The following MMP16 variants were observed in gnomAD, a reference collection of about 807,000 sequenced individuals.
MMP16 encodes the protein matrix metalloproteinase-16.
MMP16 carries 12 observed loss-of-function variants against 67.8 expected under a neutral mutation model. The observed-to-expected ratio is 0.18, with a 90% CI of 0.11 to 0.29. The LOEUF is 0.29. Among genes scored for constraint, MMP16 ranks in the 10% least tolerant of loss-of-function variants. The probability of loss-of-function intolerance (pLI) is 1.00; values close to 1 mark genes in which losing one functional copy is unlikely to be tolerated. For missense variants in MMP16, 475 were observed against 765.7 expected, an observed-to-expected ratio of 0.62 and a Z score of 4.48; for synonymous variants, 249 against 255.9, an observed-to-expected ratio of 0.97 and a Z score of 0.26.
At chr8:88,236,528 G>A (rs1204666854) in intron 1 of MMP16, among the ~76,000 whole-genome samples, 1 of 152,074 alleles carries the variant, frequency 6.6e-6, no homozygotes, top group East Asian at 1.9e-4. Context: ...GGCTGAAGGG[G>A]GCAGATTACT....
At chr8:88,214,639 G>A (rs1218939530) in intron 1 of MMP16, among the ~76,000 whole-genome samples, 1 of 152,116 alleles carries the variant, frequency 6.6e-6, no homozygotes, top group Non-Finnish European at 1.5e-5. Flanking sequence ...TATTTGTGAT[G>A]AGAACATTTA....
At chr8:88,253,359 A>G (rs534937325) in intron 1 of MMP16, among the ~76,000 whole-genome samples, 2 of 152,188 alleles carry the variant, frequency 1.3e-5, no homozygotes, top group Admixed American at 1.3e-4. Flanking sequence ...ACAGATAGGA[A>G]AAAGAGTAAT....
chr8:88,225,642 T>C (rs894602766), intron 1 of MMP16, among the ~76,000 whole-genome samples: 3 of 151,868 alleles, frequency 2.0e-5, no homozygotes, highest in African/African-American at 7.2e-5. Flanking sequence ...CATTGACCCA[T>C]GCACACACCT....
rs1808060815 is a variant in MMP16, at chr8:88,036,861, C to T, written c.*4600G>A. 1 of 151,496 alleles carries T rather than the reference C, an allele frequency of 6.6e-6. No homozygotes were observed. The highest frequency in any genetic ancestry group is 1.5e-5 in the Non-Finnish European group (1 of 67,704). 9.4% of individuals were successfully genotyped at this position (151,496 alleles called of 1,614,324 possible). ...CTGTGTTTGCTAAAAAAGACCTTACCACCATCCAGAAGATTGTTTCAGTAT... is the reference window on the plus strand; with the variant it reads ...CTGTGTTTGCTAAAAAAGACCTTACTACCATCCAGAAGATTGTTTCAGTAT... On this transcript the variant is annotated 3_prime_UTR_variant, in exon 10 of 10. Transcript: ENST00000286614.
intron 7 of MMP16, among the ~76,000 whole-genome samples, chr8:88,066,623 T>C (rs1314666816): frequency 6.6e-6 from 1 of 151,534 alleles, no homozygotes; most frequent in East Asian, 1.9e-4. Context: ...TGTGGGTTTG[T>C]ACATCTACAC....
chr8:88,313,472 T>C (rs1236043498), intron 1 of MMP16, among the ~76,000 whole-genome samples: 2 of 152,230 alleles, frequency 1.3e-5, no homozygotes, highest in African/African-American at 2.4e-5. Context: ...TTTTTCTCTG[T>C]CTGCTTTTAT....
intron 6 of MMP16, among the ~76,000 whole-genome samples, chr8:88,106,209 T>C (rs1212315748): frequency 6.6e-6 from 1 of 151,162 alleles, no homozygotes; most frequent in Non-Finnish European, 1.5e-5. Flanking sequence ...ATAATTTGTA[T>C]CTGGGTATGA....
At chr8:88,099,900 T>C (rs1032635924) in intron 6 of MMP16, among the ~76,000 whole-genome samples, 3 of 151,954 alleles carry the variant, frequency 2.0e-5, no homozygotes, top group Non-Finnish European at 2.9e-5. Flanking sequence ...TTAATGTCTA[T>C]TTGCCACACT....
intron 1 of MMP16, among the ~76,000 whole-genome samples, chr8:88,261,488 T>C (rs1463324854): frequency 6.6e-6 from 1 of 152,084 alleles, no homozygotes; most frequent in Non-Finnish European, 1.5e-5. Context: ...GTTCATATTT[T>C]TACTACCATA....
intron 7 of MMP16, among the ~76,000 whole-genome samples, chr8:88,060,292 A>G (rs902873063): frequency 2.0e-5 from 3 of 151,860 alleles, no homozygotes; most frequent in African/African-American, 7.3e-5. Flanking sequence ...CTTAAGAGAA[A>G]CCTGTGTATT....
At chr8:88,203,003 T>C (rs978319882) in intron 1 of MMP16, among the ~76,000 whole-genome samples, 4 of 152,146 alleles carry the variant, frequency 2.6e-5, no homozygotes, top group Middle Eastern at 3.4e-3. Context: ...TTCAGTTTCA[T>C]TGACACCAAA....
chr8:88,327,109 G>C lies in MMP16; in HGVS notation c.98C>G (p.Thr33Arg). The C allele has an allele frequency of 2.5e-6, 4 of 1,614,040 alleles. No individual in the cohort carries two copies. Among genetic ancestry groups the C allele is most frequent in the Non-Finnish European group, 3.4e-6 (4 of 1,179,994 alleles). ...GAAATACTGCTCCGTTCCGCAGACT[G>C]TAGCACATAAAATCCAAAGCAAGGT... ...LQTLLWILCA[T>R]VCGTEQYFNV... Residue 33 changes from threonine (T) to arginine (R), a missense_variant, in exon 1 of 10, where the codon ACA (threonine) becomes AGA (arginine). Physicochemically the swap from Thr to Arg is moderately conservative, Grantham distance 71. This residue lies in a region of MMP16 where 170 missense variants were observed against 239.6 expected (regional missense o/e 0.71). Transcript: ENST00000286614.
At chr8:88,135,772 T>C (rs117453829) in intron 4 of MMP16, among the ~76,000 whole-genome samples, 9 of 151,924 alleles carry the variant, frequency 5.9e-5, no homozygotes, top group Middle Eastern at 3.4e-3. Context: ...GATGATATAT[T>C]AACAAAGGCA....
At chr8:88,174,807 T>C (rs1476920854) in intron 3 of MMP16, among the ~76,000 whole-genome samples, 2 of 151,488 alleles carry the variant, frequency 1.3e-5, no homozygotes, top group East Asian at 3.9e-4. Flanking sequence ...CAGGCTGGCG[T>C]GCAGTGGCAC....
At chr8:88,320,615 A>G (rs572127727) in intron 1 of MMP16, among the ~76,000 whole-genome samples, 32 of 152,288 alleles carry the variant, frequency 2.1e-4, no homozygotes, top group African/African-American at 4.1e-4. Context: ...TACATCTTAA[A>G]TCGTGAACTG....
chr8:88,048,989 A>G (rs758682779), intron 8 of MMP16, among the ~76,000 whole-genome samples: 8 of 152,194 alleles, frequency 5.3e-5, no homozygotes, highest in Admixed American at 2.6e-4. Flanking sequence ...GAATTCCTCC[A>G]TCTTCCTCCA....
chr8:88,168,025 G>C (rs746811644), intron 3 of MMP16, 52 bp from the exon 4 acceptor site: 5 of 1,403,952 alleles, frequency 3.6e-6, no homozygotes, highest in Middle Eastern at 1.9e-4. Flanking sequence ...AGCTAACTTA[G>C]TACAGGTTTT....
intron 8 of MMP16, among the ~76,000 whole-genome samples, chr8:88,052,991 T>G (rs1808289008): frequency 6.6e-6 from 1 of 152,220 alleles, no homozygotes. Context: ...CTAAGTGCCA[T>G]GAAACTAGGA....
chr8:88,186,271 AG>A, intron 3 of MMP16: 1 of 443,116 alleles, frequency 2.3e-6, no homozygotes, highest in Non-Finnish European at 3.9e-6. Flanking sequence ...AGTTTACAAA[AG>A]AGCCCAAGTG....
Sources: allele counts gnomAD v4.1 joint callset (sites outside exome capture counted in the v4.1 genomes callset), GRCh38; gene constraint gnomAD v4.1.1; regional missense constraint gnomAD v4.1.1; transcripts MANE v1.5; gene names NCBI Gene and HGNC (gene_info 2026-07-23, HGNC 2026-07-21).